The following NR3C2 variants were observed in gnomAD, a reference collection of about 807,000 sequenced individuals.
NR3C2 encodes nuclear receptor subfamily 3 group C member 2, also known as mineralocorticoid receptor.
In NR3C2, 15 loss-of-function variants were observed where a neutral mutation model predicts 86.4. The observed-to-expected ratio is 0.17, with a 90% confidence interval of 0.12 to 0.27. The LOEUF is 0.27. Among genes scored for constraint, NR3C2 ranks in the 10% least tolerant of loss-of-function variants. The pLI is 1.00. For missense variants in NR3C2, 960 were observed against 1,195.6 expected, an observed-to-expected ratio of 0.80 and a Z score of 2.91; for synonymous variants, 458 against 450.5, an observed-to-expected ratio of 1.02 and a Z score of -0.21.
intron 3 of NR3C2, among the ~76,000 whole-genome samples, chr4:148,236,843 A>G (rs1738773269): frequency 1.3e-5 from 2 of 152,196 alleles, no homozygotes; most frequent in African/African-American, 2.4e-5. Context: ...GGGTAACTCT[A>G]GTTATAAACA....
chr4:148,128,761 G>T (rs1732868813), intron 6 of NR3C2, among the ~76,000 whole-genome samples: 1 of 152,148 alleles, frequency 6.6e-6, no homozygotes, highest in Admixed American at 6.5e-5. Context: ...GTTTCCCAAG[G>T]TGTTACCCCT....
chr4:148,434,394 T>C (rs1749937007), intron 2 of NR3C2, among the ~76,000 whole-genome samples: 1 of 152,214 alleles, frequency 6.6e-6, no homozygotes, highest in South Asian at 2.1e-4. Context: ...AAATAAAATA[T>C]GTCTTCTTGC....
At chr4:148,427,550 G>A (rs1255045102) in intron 2 of NR3C2, among the ~76,000 whole-genome samples, 1 of 151,658 alleles carries the variant, frequency 6.6e-6, no homozygotes, top group Non-Finnish European at 1.5e-5. Context: ...TGTTTGTGTG[G>A]TCTAGTGGAG....
intron 2 of NR3C2, among the ~76,000 whole-genome samples, chr4:148,362,098 C>T (rs1017427360): frequency 1.3e-5 from 2 of 152,214 alleles, no homozygotes; most frequent in Non-Finnish European, 2.9e-5. Context: ...TCAGGCCACC[C>T]ATAGTGCTGG....
intron 2 of NR3C2, among the ~76,000 whole-genome samples, chr4:148,382,771 G>A (rs1210946697): frequency 1.3e-5 from 2 of 152,106 alleles, no homozygotes; most frequent in Non-Finnish European, 2.9e-5. Flanking sequence ...GTTACCTACT[G>A]TCAACTAAGA....
chr4:148,147,612 A>T (rs909677089), intron 6 of NR3C2, among the ~76,000 whole-genome samples: 3 of 152,206 alleles, frequency 2.0e-5, no homozygotes, highest in African/African-American at 7.2e-5. Context: ...CGTACTTAAG[A>T]GCTGGCAATG....
At chr4:148,241,173 G>A (rs1259633630) in intron 3 of NR3C2, among the ~76,000 whole-genome samples, 2 of 151,360 alleles carry the variant, frequency 1.3e-5, no homozygotes, top group Admixed American at 6.6e-5. Context: ...AGGCATGGTG[G>A]CGCACACCTG....
rs139902540 is a variant in NR3C2, at chr4:148,226,766, T to C, written c.1898-31904A>G. ...TATTTGGTGTTTTCTATCTTTATCA[T>C]TGATTTCTGGAGGTATAAAATAGCA... is the stretch of plus-strand genomic sequence containing the variant. On this transcript the variant is annotated intron_variant, in intron 3 of 8. Coordinates refer to ENST00000358102, the MANE Select transcript of NR3C2 (RefSeq NM_000901.5). Among the ~76,000 whole-genome samples the C allele has an allele frequency of 1.6e-4, 25 of 152,332 alleles. No homozygotes were observed. In the East Asian group the frequency reaches 4.6e-3, roughly 28 times the overall value.
At chr4:148,337,206 T>A (rs1744537362) in intron 2 of NR3C2, among the ~76,000 whole-genome samples, 1 of 152,236 alleles carries the variant, frequency 6.6e-6, no homozygotes, top group South Asian at 2.1e-4. Context: ...AAAAAGTCTA[T>A]GAGGAAATAT....
intron 3 of NR3C2, among the ~76,000 whole-genome samples, chr4:148,229,800 T>C (rs569483880): frequency 2.6e-5 from 4 of 152,326 alleles, no homozygotes; most frequent in African/African-American, 9.6e-5. Flanking sequence ...AGCTTAAAGT[T>C]AAAGGGACAT....
chr4:148,445,077 A>T, upstream of NR3C2: 10 of 882,294 alleles, frequency 1.1e-5, no homozygotes, highest in Non-Finnish European at 1.4e-5. Context: ...GGAAACGGGC[A>T]GGGGCGCCGG....
At chr4:148,091,026 T>C (rs989044029) in intron 8 of NR3C2, among the ~76,000 whole-genome samples, 1 of 152,246 alleles carries the variant, frequency 6.6e-6, no homozygotes, top group Non-Finnish European at 1.5e-5. Context: ...AGAAAAGGGC[T>C]CAGCCTGTGT....
At chr4:148,427,483 G>A (rs1749602391) in intron 2 of NR3C2, among the ~76,000 whole-genome samples, 1 of 151,856 alleles carries the variant, frequency 6.6e-6, no homozygotes, top group Admixed American at 6.6e-5. Context: ...GCCCAAGGGT[G>A]GCTCAGAAAC....
chr4:148,401,946 TTA>T, intron 2 of NR3C2, among the ~76,000 whole-genome samples: 1 of 152,280 alleles, frequency 6.6e-6, no homozygotes, highest in East Asian at 1.9e-4. Flanking sequence ...TAAATCATGA[TTA>T]AGCCACTGTA....
At chr4:148,367,489 C>T (rs923445136) in intron 2 of NR3C2, among the ~76,000 whole-genome samples, 1 of 152,024 alleles carries the variant, frequency 6.6e-6, no homozygotes, top group African/African-American at 2.4e-5. Flanking sequence ...GGGTTGAATA[C>T]GAACAATGTT....
upstream of NR3C2, chr4:148,444,540 G>T: frequency 3.0e-6 from 3 of 987,186 alleles, no homozygotes; most frequent in Non-Finnish European, 3.6e-6. Flanking sequence ...TCTAGGACAT[G>T]GTGGGGAGGC....
intron 2 of NR3C2, among the ~76,000 whole-genome samples, chr4:148,423,599 C>A (rs1477561908): frequency 1.3e-5 from 2 of 152,192 alleles, no homozygotes; most frequent in East Asian, 3.8e-4. Context: ...GAGCTATCTT[C>A]CCCAACTAGA....
At chr4:148,323,117 G>A (rs1338598759) in intron 2 of NR3C2, among the ~76,000 whole-genome samples, 1 of 149,406 alleles carries the variant, frequency 6.7e-6, no homozygotes, top group Admixed American at 6.7e-5. Flanking sequence ...CTCAGCTGCA[G>A]GTCTGTTGGA....
intron 2 of NR3C2, among the ~76,000 whole-genome samples, chr4:148,429,970 G>T (rs775678427): frequency 6.6e-6 from 1 of 152,124 alleles, no homozygotes; most frequent in Non-Finnish European, 1.5e-5. Context: ...GTACTACTTT[G>T]CAGAAAAACA....
Sources: gnomAD v4.1 joint callset for allele counts (sites outside exome capture counted in the v4.1 genomes callset) on GRCh38, gnomAD v4.1.1 for gene constraint, MANE v1.5 for transcripts, NCBI Gene and HGNC (gene_info 2026-07-23, HGNC 2026-07-21) for gene names.